TCERG1L: variants seen among roughly 807,000 people sequenced by gnomAD.
TCERG1L encodes transcription elongation regulator 1 like.
In TCERG1L, 37 loss-of-function variants were observed where a neutral mutation model predicts 56.3. The ratio of observed to expected loss-of-function variants is 0.66; its 90% CI spans 0.51 to 0.87. The LOEUF (loss-of-function observed/expected upper bound fraction) is 0.87, where lower values mean the gene tolerates loss of function less well. Among genes scored for constraint, TCERG1L ranks in the 40% least tolerant of loss-of-function variants. The pLI, the probability that TCERG1L is intolerant of heterozygous loss-of-function variation, is 0.00. For synonymous variants in TCERG1L, 324 were observed against 326.3 expected (o/e 0.99, Z 0.08); for missense variants, 799 against 774.2 (o/e 1.03, Z -0.38).
intron 4 of TCERG1L, among the ~76,000 whole-genome samples, chr10:131,172,088 G>A (rs1017135790): frequency 9.2e-5 from 14 of 152,368 alleles, no homozygotes; most frequent in African/African-American, 3.4e-4. Context: ...AAAAGAAACT[G>A]TCTTGATTCT....
rs192245628 is a variant in TCERG1L, at chr10:131,191,736, A to G, written c.857-24851T>C. ...ATCACAGACTTAAATATAAGACCTG[A>G]AACTTGTAGTCCCAGCTACTCGGGA... On this transcript the variant is annotated intron_variant, in intron 4 of 11. Transcript: ENST00000368642. 5.3e-4 allele frequency among the ~76,000 whole-genome samples: 74 copies of G among 140,722 alleles called. 13 individuals are homozygous for G. The highest frequency in any genetic ancestry group is 1.8e-3 in the African/African-American group (66 of 37,098). The allele number at this position is 140,722 out of a possible 152,430, so 92.3% of individuals were successfully genotyped here. A position where few individuals can be genotyped will look rare whatever the true frequency, so the allele number is the denominator to read the frequency against.
chr10:131,164,221 A>T (rs376193883), intron 5 of TCERG1L: 1 of 152,022 alleles, frequency 6.6e-6, no homozygotes, highest in South Asian at 2.1e-4. Flanking sequence ...AAAGAGAGAA[A>T]AATAAGCTAT....
intron 6 of TCERG1L, among the ~76,000 whole-genome samples, chr10:131,150,493 C>G (rs1417992866): frequency 1.3e-5 from 2 of 152,260 alleles, no homozygotes; most frequent in Non-Finnish European, 1.5e-5. Flanking sequence ...CATCCAATCC[C>G]AACCCTCCCA....
At chr10:131,292,280 A>G (rs2133574692) in intron 3 of TCERG1L, among the ~76,000 whole-genome samples, 1 of 152,314 alleles carries the variant, frequency 6.6e-6, no homozygotes, top group East Asian at 1.9e-4. Flanking sequence ...TTGCATTTTT[A>G]TCAAACGATG....
chr10:131,259,678 G>A (rs907780808), intron 4 of TCERG1L, among the ~76,000 whole-genome samples: 7 of 152,208 alleles, frequency 4.6e-5, no homozygotes, highest in Admixed American at 2.0e-4. Flanking sequence ...CCCCTGCCCC[G>A]AGGACATCTC....
chr10:131,171,369 C>T (rs1056773819), intron 4 of TCERG1L, among the ~76,000 whole-genome samples: 5 of 151,964 alleles, frequency 3.3e-5, no homozygotes, highest in African/African-American at 4.8e-5. Context: ...TTCCGTATTG[C>T]GCTTCTCAGT....
At position 131,277,444 on chromosome 10, in the gene TCERG1L, T is replaced by C. The variant is rs1589769813; in HGVS notation, c.671-17000A>G. 1.3e-5 allele frequency among the ~76,000 whole-genome samples: 2 copies of C among 152,288 alleles called. 1 individual carries two copies. Among genetic ancestry groups the C allele is most frequent in the African/African-American group, 4.8e-5 (2 of 41,576 alleles). ...CCGCAGGCCTGCGCCGGGGAGATAG[T>C]GGCCTGGCCTAGACATGAGCCACAA... On this transcript the variant is annotated intron_variant, in intron 3 of 11. Coordinates refer to ENST00000368642, the MANE Select transcript of TCERG1L (RefSeq NM_174937.4).
chr10:131,249,542 A>T (rs1438699815), intron 4 of TCERG1L, among the ~76,000 whole-genome samples: 2 of 152,374 alleles, frequency 1.3e-5, no homozygotes, highest in African/African-American at 2.4e-5. Flanking sequence ...TGGCAAACGC[A>T]CACTGGGGTC....
intron 4 of TCERG1L, among the ~76,000 whole-genome samples, chr10:131,193,432 G>A (rs4615934): frequency 0.18 from 26,678 of 152,112 alleles, 2,521 homozygotes; most frequent in Middle Eastern, 0.23. Context: ...ACCAATGTCC[G>A]GAAGAGTTTT....
chr10:131,301,358 G>C (rs886148110), intron 3 of TCERG1L, among the ~76,000 whole-genome samples: 2 of 151,860 alleles, frequency 1.3e-5, no homozygotes, highest in Non-Finnish European at 2.9e-5. Context: ...AAAAACTCTT[G>C]TAAATAAAAA....
At chr10:131,296,998 G>A (rs1846700492) in intron 3 of TCERG1L, among the ~76,000 whole-genome samples, 1 of 152,180 alleles carries the variant, frequency 6.6e-6, no homozygotes, top group African/African-American at 2.4e-5. Flanking sequence ...GACTCTTTGA[G>A]ATAGTCTATA....
intron 7 of TCERG1L, among the ~76,000 whole-genome samples, chr10:131,140,835 C>T (rs1845729336): frequency 6.6e-6 from 1 of 152,208 alleles, no homozygotes; most frequent in Admixed American, 6.5e-5. Flanking sequence ...GTGGGCTGAG[C>T]TCCTGCCAGG....
At chr10:131,117,273 G>A (rs570955253) in intron 8 of TCERG1L, among the ~76,000 whole-genome samples, 12 of 152,312 alleles carry the variant, frequency 7.9e-5, no homozygotes, top group Middle Eastern at 3.4e-3. Flanking sequence ...TACTGCCCAC[G>A]GCCCACGGCA....
intron 11 of TCERG1L, among the ~76,000 whole-genome samples, chr10:131,094,895 G>C (rs1181630484): frequency 6.6e-6 from 1 of 152,224 alleles, no homozygotes; most frequent in Non-Finnish European, 1.5e-5. Flanking sequence ...TTAGGGGCTG[G>C]ACAGGGGCAG....
chr10:131,186,770 A>C (rs574118406), intron 4 of TCERG1L, among the ~76,000 whole-genome samples: 3 of 152,254 alleles, frequency 2.0e-5, no homozygotes, highest in Admixed American at 2.0e-4. Flanking sequence ...CGGGCACTCC[A>C]CACCACCAAG....
At chr10:131,199,811 C>A (rs1294004458) in intron 4 of TCERG1L, among the ~76,000 whole-genome samples, 1 of 152,156 alleles carries the variant, frequency 6.6e-6, no homozygotes, top group African/African-American at 2.4e-5. Context: ...GTGGGAAATC[C>A]CACCCGACAG....
chr10:131,218,238 T>C (rs1157586402), intron 4 of TCERG1L, among the ~76,000 whole-genome samples: 1 of 152,120 alleles, frequency 6.6e-6, no homozygotes, highest in Non-Finnish European at 1.5e-5. Context: ...GTACCGTGAG[T>C]GCTGTGTAAG....
intron 11 of TCERG1L, chr10:131,095,557 T>G (rs937829874): frequency 1.3e-5 from 2 of 152,202 alleles, no homozygotes; most frequent in African/African-American, 4.8e-5. Flanking sequence ...CTAGGATGCC[T>G]ACAGAAAAGT....
chr10:131,255,480 C>T (rs10829959), intron 4 of TCERG1L, among the ~76,000 whole-genome samples: 39,660 of 152,114 alleles, frequency 0.26, 6,109 homozygotes, highest in East Asian at 0.51. Flanking sequence ...GAGCAGTGAC[C>T]TCTGGGGTGA....
Sources: allele counts gnomAD v4.1 joint callset (sites outside exome capture counted in the v4.1 genomes callset), GRCh38; gene constraint gnomAD v4.1.1; transcripts MANE v1.5; gene names NCBI Gene and HGNC (gene_info 2026-07-23, HGNC 2026-07-21).